ZDHHC6: variants seen among roughly 807,000 people sequenced by gnomAD.
ZDHHC6 encodes the protein palmitoyltransferase ZDHHC6.
Under a neutral mutation model 57.8 loss-of-function variants are expected in ZDHHC6, and 32 were observed. That is an observed-to-expected ratio of 0.55 (90% confidence interval 0.42 to 0.74). ZDHHC6 has a LOEUF of 0.74. Among genes scored for constraint, ZDHHC6 ranks in the 30% least tolerant of loss-of-function variants. The pLI is 0.00. For missense variants in ZDHHC6, 433 were observed against 500.7 expected (o/e 0.86, Z 1.29); for synonymous variants, 128 against 158.0 (o/e 0.81, Z 1.42).
At chr10:112,443,903 G>C (rs1387395519) in intron 2 of ZDHHC6, among the ~76,000 whole-genome samples, 1 of 152,104 alleles carries the variant, frequency 6.6e-6, no homozygotes, top group Non-Finnish European at 1.5e-5. Flanking sequence ...TTCAGAAAAA[G>C]GTAGCTGACA....
At chr10:112,439,669 A>AAAAAAAAAAAAAAAT (rs757796332) in intron 5 of ZDHHC6, among the ~76,000 whole-genome samples, 4 of 108,608 alleles carry the variant, frequency 3.7e-5, no homozygotes, top group Admixed American at 1.2e-4. Context: ...AAAAAAAAAA[A>AAAAAAAAAAAAAAAT]GAATGAAAAA....
intron 10 of ZDHHC6, among the ~76,000 whole-genome samples, chr10:112,431,231 A>T (rs1199010723): frequency 6.6e-6 from 1 of 152,136 alleles, no homozygotes; most frequent in African/African-American, 2.4e-5. Context: ...TTTTTGGCAC[A>T]CCATCACACT....
intron 6 of ZDHHC6, 66 bp downstream of exon 6, chr10:112,438,270 C>A: frequency 9.3e-7 from 1 of 1,072,906 alleles, no homozygotes; most frequent in Non-Finnish European, 1.2e-6. Context: ...TATTAATATT[C>A]AGGACTTTAC....
chr10:112,434,479 G>T lies in ZDHHC6; in HGVS notation c.736-15C>A. 1 of 1,602,722 alleles carries T rather than the reference G, an allele frequency of 6.2e-7. No homozygotes were observed. Among genetic ancestry groups the T allele is most frequent in the Non-Finnish European group, 8.5e-7 (1 of 1,174,048 alleles). On this transcript the variant is annotated splice_polypyrimidine_tract_variant and intron_variant, in intron 6 of 10. Coordinates refer to ENST00000369405, the MANE Select transcript of ZDHHC6 (RefSeq NM_022494.3). ...CGATCTTTAGCCTGTGGGTAACAAA[G>T]ATATAAGATGGCAGGTGCCTCTGTC...
rs1846579180 is a variant in ZDHHC6, at chr10:112,445,537, T to C, written c.-101A>G. ...CACAAGTCCATGTGTGTTCTTTAAT[T>C]GTCATGCCTTCAAGCTGTGAACTGT... is the stretch of plus-strand genomic sequence containing the variant. On this transcript the variant is annotated 5_prime_UTR_variant, in exon 2 of 11. Transcript: ENST00000369405. The C allele has an allele frequency of 5.9e-6, 8 of 1,350,086 alleles. No individual in the cohort carries two copies. The Admixed American group carries it at 1.6e-4, about 26-fold the overall frequency. The allele number at this position is 1,350,086 out of a possible 1,614,324, so 83.6% of individuals were successfully genotyped here. A position where few individuals can be genotyped will look rare whatever the true frequency, so the allele number is the denominator to read the frequency against.
At chr10:112,425,277 C>G in exon 12 of ZDHHC6, 1 of 1,445,604 alleles carries the variant, frequency 6.9e-7, no homozygotes, top group South Asian at 1.3e-5. Flanking sequence ...CTTCACCACT[C>G]TCCCCACTGA....
chr10:112,440,599 T>C lies in ZDHHC6; in HGVS notation c.616A>G (p.Thr206Ala). 3 of 1,613,986 alleles carry C rather than the reference T, an allele frequency of 1.9e-6. No individual in the cohort carries two copies. Among genetic ancestry groups the C allele is most frequent in the Non-Finnish European group, 2.5e-6 (3 of 1,179,954 alleles). ...AAAGCTAATCCCAAGGCAAACAAGGTGGTAGCAAATGCAGCTAATCCAAAT... is the reference window on the plus strand; with the variant it reads ...AAAGCTAATCCCAAGGCAAACAAGGCGGTAGCAAATGCAGCTAATCCAAAT... The part of the protein sequence containing the change: ...VPFGLAAFAT[T>A]LFALGLALGT... Residue 206 changes from threonine to alanine, a missense_variant, in exon 5 of 11, where the codon ACC becomes GCC. Transcript: ENST00000369405.
chr10:112,447,514 G>T, upstream of ZDHHC6: 1 of 1,596,750 alleles, frequency 6.3e-7, no homozygotes, highest in Non-Finnish European at 8.5e-7. Flanking sequence ...AGAGCTGGGA[G>T]GGTGCGGGCG....
At position 112,434,465 on chromosome 10, in the gene ZDHHC6, C is replaced by T; in HGVS notation, c.736-1G>A. On this transcript the variant is annotated splice_acceptor_variant, in intron 6 of 10. Coordinates refer to ENST00000369405, the MANE Select transcript of ZDHHC6 (RefSeq NM_022494.3). LOFTEE classifies it high-confidence loss of function. ...GATAATACTGAATTCGATCTTTAGC[C>T]TGTGGGTAACAAAGATATAAGATGG... The T allele has an allele frequency of 6.2e-7, 1 of 1,609,412 alleles. No homozygotes were observed. The highest frequency in any genetic ancestry group is 8.5e-7 in the Non-Finnish European group (1 of 1,177,692).
intron 7 of ZDHHC6, 24 bp from the exon 8 acceptor site, chr10:112,433,305 A>G: frequency 6.4e-7 from 1 of 1,550,662 alleles, no homozygotes; most frequent in South Asian, 1.2e-5. Flanking sequence ...ATAAAAAGAA[A>G]AAAATGAAGT....
intron 6 of ZDHHC6, 133 bp downstream of exon 6, chr10:112,438,203 G>T: frequency 1.8e-6 from 1 of 567,074 alleles, no homozygotes; most frequent in Non-Finnish European, 2.7e-6. Flanking sequence ...GTAGCCATTT[G>T]GCAGCCATGT....
chr10:112,442,174 AT>A lies in ZDHHC6; in HGVS notation c.519+17del. The A allele has an allele frequency of 6.3e-7, 1 of 1,588,134 alleles. No homozygotes were observed. The highest frequency in any genetic ancestry group is 8.6e-7 in the Non-Finnish European group (1 of 1,168,966). ...TGCATGGATGATTTTATAACAAAAC[AT>A]TTTCATTTTCACTTACCCGATGATA... On this transcript the variant is annotated intron_variant, in intron 4 of 10. Transcript: ENST00000369405.
chr10:112,431,488 A>T (rs1845027659), intron 10 of ZDHHC6, among the ~76,000 whole-genome samples: 1 of 151,776 alleles, frequency 6.6e-6, no homozygotes, highest in Non-Finnish European at 1.5e-5. Flanking sequence ...TAATTTTTGT[A>T]TTTTTAGTAG....
At chr10:112,429,966 T>TGG (rs141673449), downstream of ZDHHC6, among the ~76,000 whole-genome samples, 10,805 of 107,514 alleles carry the variant, frequency 0.1, 518 homozygotes, top group Middle Eastern at 0.17. Context: ...AAGCAGTTGT[T>TGG]GGGGGGGGGG....
intron 4 of ZDHHC6, among the ~76,000 whole-genome samples, chr10:112,441,493 C>T (rs751047818): frequency 1.3e-5 from 2 of 152,216 alleles, no homozygotes; most frequent in Non-Finnish European, 2.9e-5. Context: ...TTTCAACATT[C>T]AGAATTAGGT....
chr10:112,426,513 A>C (rs961444154), downstream of ZDHHC6: 1 of 646,972 alleles, frequency 1.5e-6, no homozygotes. Context: ...AGTTTAAAAA[A>C]TAAAACTCTC....
chr10:112,447,430 C>T (rs200608224), upstream of ZDHHC6: 252 of 1,613,688 alleles, frequency 1.6e-4, 2 homozygotes, highest in East Asian at 5.5e-3. Flanking sequence ...CTGCAGAGAT[C>T]ACCAGCAAGA....
intron 5 of ZDHHC6, among the ~76,000 whole-genome samples, chr10:112,439,234 GGCCCAGGA>G (rs1450172443): frequency 6.6e-5 from 10 of 152,184 alleles, no homozygotes; most frequent in African/African-American, 2.4e-4. Flanking sequence ...AAACAGCCTT[GGCCCAGGA>G]GTCCTCATCA....
At chr10:112,429,811 C>T (rs752562830), downstream of ZDHHC6, among the ~76,000 whole-genome samples, 1 of 152,220 alleles carries the variant, frequency 6.6e-6, no homozygotes, top group African/African-American at 2.4e-5. Context: ...CTGTGGCTGG[C>T]AGCCCAAAGT....
Sources: gnomAD v4.1 joint callset for allele counts (sites outside exome capture counted in the v4.1 genomes callset) on GRCh38, gnomAD v4.1.1 for gene constraint, MANE v1.5 for transcripts, NCBI Gene and HGNC (gene_info 2026-07-23, HGNC 2026-07-21) for gene names.